ARHGAP5: variants seen among roughly 807,000 people sequenced by gnomAD.
ARHGAP5 encodes rho GTPase-activating protein 5.
In ARHGAP5, 23 loss-of-function variants were observed where a neutral mutation model predicts 116.6. The ratio of observed to expected loss-of-function variants is 0.20; its 90% CI spans 0.14 to 0.28. The LOEUF (loss-of-function observed/expected upper bound fraction) is 0.28. Among genes scored for constraint, ARHGAP5 ranks in the 10% least tolerant of loss-of-function variants. ARHGAP5 has a pLI of 1.00. For synonymous variants in ARHGAP5, 574 were observed against 602.0 expected (o/e 0.95, Z 0.68); for missense variants, 1,405 against 1,774.8 (o/e 0.79, Z 3.74).
At chr14:32,109,563 A>G (rs2139052794) in intron 2 of ARHGAP5, among the ~76,000 whole-genome samples, 1 of 152,242 alleles carries the variant, frequency 6.6e-6, no homozygotes, top group Admixed American at 6.5e-5. Flanking sequence ...TATAAATTAT[A>G]TTAATAGCCA....
intron 2 of ARHGAP5, among the ~76,000 whole-genome samples, chr14:32,106,760 A>G (rs1044296187): frequency 3.9e-5 from 6 of 152,232 alleles, no homozygotes; most frequent in Non-Finnish European, 8.8e-5. Context: ...GATGGAAAAT[A>G]GTAGCTGGCT....
chr14:32,120,391 T>C lies in ARHGAP5; in HGVS notation c.3865+3104T>C, dbSNP rs76931532. 9.3e-4 allele frequency among the ~76,000 whole-genome samples: 141 copies of C among 152,016 alleles called. 1 individual carries two copies. Among genetic ancestry groups the C allele is most frequent in the Middle Eastern group, 3.4e-3 (1 of 292 alleles). On this transcript the variant is annotated intron_variant, in intron 3 of 6. Coordinates refer to ENST00000345122, the MANE Select transcript of ARHGAP5 (RefSeq NM_001030055.2). ...GCTTTTATTGATTTTCCTTTTTTTTTCCATTTTTTAATTTATTGAATTCTA... is the reference window on the plus strand; with the variant it reads ...GCTTTTATTGATTTTCCTTTTTTTTCCCATTTTTTAATTTATTGAATTCTA...
At chr14:32,142,277 T>G (rs1881161594) in intron 3 of ARHGAP5, among the ~76,000 whole-genome samples, 1 of 152,196 alleles carries the variant, frequency 6.6e-6, no homozygotes, top group Non-Finnish European at 1.5e-5. Flanking sequence ...CTTTTTTTCC[T>G]GTAATAAACT....
chr14:32,081,642 T>C (rs920345036), intron 1 of ARHGAP5, among the ~76,000 whole-genome samples: 8 of 146,488 alleles, frequency 5.5e-5, no homozygotes, highest in South Asian at 4.4e-4. Context: ...AATGCAAGAG[T>C]GATAGAAGGG....
chr14:32,100,928 GTGTT>G (rs903202749), intron 2 of ARHGAP5, among the ~76,000 whole-genome samples: 1 of 152,104 alleles, frequency 6.6e-6, no homozygotes, highest in African/African-American at 2.4e-5. Flanking sequence ...TTAAACACGT[GTGTT>G]TAAGTTGGTT....
intron 3 of ARHGAP5, 77 bp from the exon 4 acceptor site, chr14:32,146,186 C>T (rs1177160941): frequency 2.7e-6 from 3 of 1,120,660 alleles, no homozygotes; most frequent in Non-Finnish European, 2.6e-6. Flanking sequence ...GCTGGGATTA[C>T]AAACATGAGC....
intron 3 of ARHGAP5, among the ~76,000 whole-genome samples, chr14:32,117,947 C>CTTAACCAT (rs369060193): frequency 0.03 from 4,511 of 152,198 alleles, 221 homozygotes; most frequent in African/African-American, 0.1. Context: ...AAAATGAACA[C>CTTAACCAT]GAGTTAACCA....
In ARHGAP5 at chr14:32,155,615, T is replaced by G. The variant is rs1055251069; in HGVS notation, c.*667T>G. On this transcript the variant is annotated 3_prime_UTR_variant, in exon 7 of 7. Coordinates refer to ENST00000345122, the MANE Select transcript of ARHGAP5 (RefSeq NM_001030055.2). ...GGACATGCTTGTGGCTAAAGTGAGT[T>G]GATAATGTTGTGCAAAGGATAGTTG... is the stretch of plus-strand genomic sequence containing the variant. 1 of 152,664 alleles carries G rather than the reference T, an allele frequency of 6.6e-6. No individual in the cohort carries two copies. The highest frequency in any genetic ancestry group is 1.5e-5 in the Non-Finnish European group (1 of 68,040). 9.5% of individuals were successfully genotyped at this position (152,664 alleles called of 1,614,324 possible). A position where few individuals can be genotyped will look rare whatever the true frequency, so the allele number is the denominator to read the frequency against.
At chr14:32,133,898 T>C (rs926664656) in intron 3 of ARHGAP5, among the ~76,000 whole-genome samples, 1 of 152,198 alleles carries the variant, frequency 6.6e-6, no homozygotes, top group Non-Finnish European at 1.5e-5. Flanking sequence ...TTGATTTGCA[T>C]GTATTGAACC....
chr14:32,122,032 T>C (rs933779713), intron 3 of ARHGAP5, among the ~76,000 whole-genome samples: 1 of 152,224 alleles, frequency 6.6e-6, no homozygotes, highest in Non-Finnish European at 1.5e-5. Flanking sequence ...TGTGGACATA[T>C]GTTTTCACCT....
chr14:32,138,474 G>A (rs183487161), intron 3 of ARHGAP5, among the ~76,000 whole-genome samples: 47 of 152,160 alleles, frequency 3.1e-4, no homozygotes, highest in African/African-American at 1.1e-3. Flanking sequence ...AGTAGCGATG[G>A]GGTTTCACCA....
At chr14:32,132,582 T>C (rs570451936) in intron 3 of ARHGAP5, among the ~76,000 whole-genome samples, 2 of 152,242 alleles carry the variant, frequency 1.3e-5, no homozygotes, top group African/African-American at 4.8e-5. Context: ...AGAAACTCTT[T>C]AGTTTAATTA....
At chr14:32,106,612 A>G (rs1035445668) in intron 2 of ARHGAP5, among the ~76,000 whole-genome samples, 10 of 152,180 alleles carry the variant, frequency 6.6e-5, no homozygotes, top group African/African-American at 2.4e-4. Context: ...CTGTCCGTAC[A>G]AAGTGTATTT....
chr14:32,143,239 G>GTTGTTGTTGTTATTA (rs1456165613), intron 3 of ARHGAP5, among the ~76,000 whole-genome samples: 224 of 143,970 alleles, frequency 1.6e-3, no homozygotes, highest in African/African-American at 5.6e-3. Context: ...TGTTGTTGTT[G>GTTGTTGTTGTTATTA]TTATTATTAT....
At chr14:32,083,370 A>G (rs760166222) in intron 1 of ARHGAP5, among the ~76,000 whole-genome samples, 10 of 152,282 alleles carry the variant, frequency 6.6e-5, no homozygotes, top group Non-Finnish European at 1.5e-4. Context: ...AGTACAGTCT[A>G]TGAGTGCTTT....
intron 2 of ARHGAP5, among the ~76,000 whole-genome samples, chr14:32,098,977 C>T (rs552049740): frequency 4.6e-5 from 7 of 152,132 alleles, no homozygotes; most frequent in South Asian, 4.2e-4. Context: ...TGTGGAAGAC[C>T]GTTTAGTATA....
Position 32,092,945 on chromosome 14 carries a change from A to G in ARHGAP5, c.2276A>G (p.His759Arg). 1 of 1,614,032 alleles carries G rather than the reference A, an allele frequency of 6.2e-7. No individual in the cohort carries two copies. Among genetic ancestry groups the G allele is most frequent in the South Asian group, 1.1e-5 (1 of 91,072 alleles). Residue 759 changes from histidine to arginine, a missense_variant, in exon 2 of 7, where the codon CAC (histidine) becomes CGC (arginine). Around this residue, in one of 6 missense-constraint regions of ARHGAP5, gnomAD observed 944 missense variants for 1,095.3 expected, o/e 0.86. Coordinates refer to ENST00000345122, the MANE Select transcript of ARHGAP5 (RefSeq NM_001030055.2). The surrounding 1 kb of genome is among the most constrained non-coding windows in gnomAD (Gnocchi z 4.1). ...AGAGGAGTATTGGAATCAGTTAAAC[A>G]CAATTTGGATGTGGTGAGCCCAATT... ...ALRGVLESVK[H>R]NLDVVSPIPA... is the part of the protein sequence containing the mutation.
intron 2 of ARHGAP5, among the ~76,000 whole-genome samples, chr14:32,101,827 A>G (rs1232677702): frequency 6.6e-6 from 1 of 152,052 alleles, no homozygotes; most frequent in Non-Finnish European, 1.5e-5. Context: ...TACTGAAAAT[A>G]TAAAAATTAG....
rs192723174 is a variant in ARHGAP5 at position 32,159,696 on chromosome 14, T to A, written c.*4748T>A. On this transcript the variant is annotated 3_prime_UTR_variant, in exon 7 of 7. Transcript: ENST00000345122. ...TTTCTCCAGATTCTTGTTATTTTATTTTATCCAAATAAATATTTAGGTGTT... is the reference window on the plus strand; with the variant it reads ...TTTCTCCAGATTCTTGTTATTTTATATTATCCAAATAAATATTTAGGTGTT... The A allele has an allele frequency of 2.6e-5, 4 of 152,224 alleles. No individual in the cohort carries two copies. Among genetic ancestry groups the A allele is most frequent in the African/African-American group, 9.6e-5 (4 of 41,474 alleles). The allele number at this position is 152,224 out of a possible 1,614,324, so 9.4% of individuals were successfully genotyped here.
Sources: allele counts gnomAD v4.1 joint callset (sites outside exome capture counted in the v4.1 genomes callset), GRCh38; gene constraint gnomAD v4.1.1; regional missense constraint gnomAD v4.1.1; non-coding constraint Gnocchi (gnomAD v3.1); transcripts MANE v1.5; gene names NCBI Gene and HGNC (gene_info 2026-07-23, HGNC 2026-07-21).